RABEP2: variants seen among roughly 807,000 people sequenced by gnomAD.
RABEP2 encodes the protein rabaptin, RAB GTPase binding effector protein 2.
In RABEP2, 57 loss-of-function variants were observed where a neutral mutation model predicts 74.1. That is an observed-to-expected ratio of 0.77 (90% CI 0.62 to 0.96). The LOEUF (loss-of-function observed/expected upper bound fraction) is 0.96. RABEP2 is among the 40% of genes least tolerant of loss of function. RABEP2 has a pLI of 0.00. For missense variants in RABEP2, 692 were observed against 756.3 expected, an observed-to-expected ratio of 0.91 and a Z score of 1.00; for synonymous variants, 351 against 344.0, an observed-to-expected ratio of 1.02 and a Z score of -0.23.
chr16:28,921,086 A>C (rs998159694), intron 2 of RABEP2: 1 of 439,418 alleles, frequency 2.3e-6, no homozygotes, highest in African/African-American at 2.0e-5. Flanking sequence ...CTGGTCTTGA[A>C]CTCCTGAGCT....
At chr16:28,908,903 G>A in intron 7 of RABEP2, 139 bp from the exon 8 acceptor site, 3 of 875,416 alleles carry the variant, frequency 3.4e-6, no homozygotes, top group African/African-American at 1.7e-5. Flanking sequence ...CAAGGAAGGA[G>A]CACTTTTTGC....
rs1421528959 is a variant in RABEP2, at chr16:28,914,283, C to T, written c.847G>A (p.Gly283Ser). Reference sequence around the variant, plus strand: ...TGAGTGTCTGGGACGAGCTGGTAGCCAGGAGGGGGCAGGTAGATGCCCTCG... The same window carrying T: ...TGAGTGTCTGGGACGAGCTGGTAGCTAGGAGGGGGCAGGTAGATGCCCTCG... ...VPEGIYLPPP[G>S]YQLVPDTQWE... is the part of the protein sequence containing the mutation. Residue 283 changes from glycine to serine, a missense_variant, in exon 5 of 13, where the codon GGC becomes AGC. Gly to Ser is a moderately conservative substitution (Grantham distance 56). Transcript: ENST00000358201. The T allele has an allele frequency of 1.9e-6, 3 of 1,612,014 alleles. No homozygotes were observed. The South Asian group carries it at 3.3e-5, about 18-fold the overall frequency.
chr16:28,905,140 G>A (rs1260216458), intron 12 of RABEP2, 96 bp from the exon 13 acceptor site: 1 of 1,028,198 alleles, frequency 9.7e-7, no homozygotes, highest in African/African-American at 1.6e-5. Flanking sequence ...GGTACCAGTG[G>A]ACCCAGGGGC....
Position 28,919,948 on chromosome 16 carries a change from TG to T in RABEP2, c.275-6del. ...CTTCATAGCTGCTGATGGAGTCTGG[TG>T]GGGGAGAGGGAGGGTGGGAGAGAGG... On this transcript the variant is annotated splice_polypyrimidine_tract_variant and splice_region_variant and intron_variant, in intron 2 of 12. Coordinates refer to ENST00000358201, the MANE Select transcript of RABEP2 (RefSeq NM_024816.3). 1 of 668,406 alleles carries T rather than the reference TG, an allele frequency of 1.5e-6. No individual in the cohort carries two copies. The allele number at this position is 668,406 out of a possible 1,614,324, so 41.4% of individuals were successfully genotyped here.
intron 3 of RABEP2, among the ~76,000 whole-genome samples, chr16:28,918,204 C>A (rs553806882): frequency 1.3e-5 from 2 of 151,484 alleles, no homozygotes; most frequent in African/African-American, 4.8e-5. Flanking sequence ...CTCAGCCTCC[C>A]GAGTAGCTGG....
At position 28,914,487 on chromosome 16, in the gene RABEP2, C is replaced by T. The variant is rs1400721271; in HGVS notation, c.643G>A (p.Gly215Arg). 1.4e-5 allele frequency: 22 copies of T among 1,613,094 alleles called. No homozygotes were observed. The highest frequency in any genetic ancestry group is 2.2e-5 in the East Asian group (1 of 44,886). Residue 215 changes from glycine to arginine, a missense_variant, in exon 5 of 13, where the codon GGA (glycine) becomes AGA (arginine). Coordinates refer to ENST00000358201, the MANE Select transcript of RABEP2 (RefSeq NM_024816.3). ...PPLEPLEELS[G>R]DGGPAAEAFA... is the part of the protein sequence containing the mutation. Reference sequence around the variant, plus strand: ...GCCTCAGCGGCTGGACCCCCATCTCCGCTCAGCTCCTCCAGAGGCTCCAGC... The same window carrying T: ...GCCTCAGCGGCTGGACCCCCATCTCTGCTCAGCTCCTCCAGAGGCTCCAGC...
At chr16:28,919,624 T>C (rs1045294787) in intron 3 of RABEP2, 162 bp downstream of exon 3, 2 of 753,008 alleles carry the variant, frequency 2.7e-6, no homozygotes, top group Non-Finnish European at 4.0e-6. Flanking sequence ...GCCAGGACCC[T>C]ACGGAGCACA....
In RABEP2 at chr16:28,924,428, C is replaced by T. The variant is rs763407250; in HGVS notation, c.249G>A (p.Val83=). Residue 83 remains valine, a synonymous_variant, in exon 2 of 13, where the codon GTG becomes GTA. Coordinates refer to ENST00000358201, the MANE Select transcript of RABEP2 (RefSeq NM_024816.3). ...CTTTCAGGATGGCCTGCAGCGAGGCCACCTCCTCTTGGCACTGCCGCTGCA... is the reference window on the plus strand; with the variant it reads ...CTTTCAGGATGGCCTGCAGCGAGGCTACCTCCTCTTGGCACTGCCGCTGCA... ...AAVQRQCQEE[V]ASLQAILKDS... 9.3e-6 allele frequency: 15 copies of T among 1,613,280 alleles called. No individual in the cohort carries two copies. Among genetic ancestry groups the T allele is most frequent in the Admixed American group, 6.7e-5 (4 of 59,996 alleles).
chr16:28,922,128 T>C (rs1425260702), intron 2 of RABEP2, among the ~76,000 whole-genome samples: 4 of 152,148 alleles, frequency 2.6e-5, no homozygotes, highest in Non-Finnish European at 5.9e-5. Context: ...CTTGCCACCA[T>C]ACCCAGCTAA....
At chr16:28,912,296 C>T (rs978184793) in intron 5 of RABEP2, among the ~76,000 whole-genome samples, 1 of 151,860 alleles carries the variant, frequency 6.6e-6, no homozygotes, top group African/African-American at 2.4e-5. Context: ...CCTGTCTCTG[C>T]GGCCATCCCC....
intron 3 of RABEP2, chr16:28,916,263 T>G (rs572792055): frequency 1.3e-5 from 2 of 152,354 alleles, no homozygotes; most frequent in African/African-American, 4.8e-5. Flanking sequence ...GCAGTCATCT[T>G]GGACCATGAG....
chr16:28,920,331 T>A (rs778602113), intron 2 of RABEP2, among the ~76,000 whole-genome samples: 1 of 151,116 alleles, frequency 6.6e-6, no homozygotes, highest in Non-Finnish European at 1.5e-5. Flanking sequence ...CCAGGAACAG[T>A]CAATATTTAA....
At position 28,914,551 on chromosome 16, in the gene RABEP2, G is replaced by A; in HGVS notation, c.579C>T (p.Ser193=). 1 of 1,611,618 alleles carries A rather than the reference G, an allele frequency of 6.2e-7. No homozygotes were observed. Among genetic ancestry groups the A allele is most frequent in the Non-Finnish European group, 8.5e-7 (1 of 1,178,560 alleles). ...CCCGGGACAGGGGCAGCAACTCCGTGGAGCCGTGCAGGGAAGGGGCATGCC... is the reference window on the plus strand; with the variant it reads ...CCCGGGACAGGGGCAGCAACTCCGTAGAGCCGTGCAGGGAAGGGGCATGCC... ...RPRHAPSLHG[S]TELLPLSRDP... is the part of the protein sequence containing the mutation. The change falls in exon 5 of 13, where the codon TCC becomes TCT. Residue 193 remains serine (S), a synonymous_variant. Coordinates refer to ENST00000358201, the MANE Select transcript of RABEP2 (RefSeq NM_024816.3).
In RABEP2 at chr16:28,905,728, C is replaced by G; in HGVS notation, c.1467G>C (p.Glu489Asp). ...CCTTGCTCTGTTCCTGCTGCACCCG[C>G]TCCATCTCTGTCCTCAGGCTGCACA... ...ASLCSLRTEM[E>D]RVQQEQSKAQ... The change falls in exon 11 of 13, where the codon GAG becomes GAC. Residue 489 changes from glutamate (E) to aspartate (D), a missense_variant. By Grantham distance (45) the Glu-to-Asp change is conservative (BLOSUM62 2). Coordinates refer to ENST00000358201, the MANE Select transcript of RABEP2 (RefSeq NM_024816.3). 1 of 1,614,056 alleles carries G rather than the reference C, an allele frequency of 6.2e-7. No homozygotes were observed. The highest frequency in any genetic ancestry group is 1.1e-5 in the South Asian group (1 of 91,090).
chr16:28,920,464 C>A (rs1254768979), intron 2 of RABEP2, among the ~76,000 whole-genome samples: 1 of 151,682 alleles, frequency 6.6e-6, no homozygotes, highest in Non-Finnish European at 1.5e-5. Context: ...TGGCTCACTG[C>A]AACCTCTGCC....
chr16:28,908,016 T>A (rs1170554983), intron 8 of RABEP2, among the ~76,000 whole-genome samples: 1 of 151,976 alleles, frequency 6.6e-6, no homozygotes, highest in Non-Finnish European at 1.5e-5. Context: ...GGCAGGCTGG[T>A]CTCAAACTCC....
chr16:28,904,859 T>A lies in RABEP2; in HGVS notation c.*84A>T. 9.4e-7 allele frequency: 1 copy of A among 1,067,520 alleles called. No individual in the cohort carries two copies. Among genetic ancestry groups the A allele is most frequent in the South Asian group, 1.5e-5 (1 of 68,686 alleles). 66.1% of individuals were successfully genotyped at this position (1,067,520 alleles called of 1,614,324 possible). A position where few individuals can be genotyped will look rare whatever the true frequency, so the allele number is the denominator to read the frequency against. On this transcript the variant is annotated 3_prime_UTR_variant, in exon 13 of 13. Transcript: ENST00000358201. The stretch of plus-strand genomic sequence containing the variant: ...AGTCTCAGGGACGGTGGAAAAGCCA[T>A]CCAAGACCCCAGAGCGAGGCCTCAT...
chr16:28,920,924 C>T (rs1311106792), intron 2 of RABEP2: 5 of 260,200 alleles, frequency 1.9e-5, no homozygotes, highest in South Asian at 3.7e-5. Flanking sequence ...AGTGCAGTGT[C>T]GCAATCATGA....
chr16:28,921,354 G>A, intron 2 of RABEP2: 1 of 404,438 alleles, frequency 2.5e-6, no homozygotes, highest in South Asian at 1.8e-5. Context: ...GGATATCCCA[G>A]AGGAAGGAGC....
Sources: allele counts gnomAD v4.1 joint callset (sites outside exome capture counted in the v4.1 genomes callset), GRCh38; gene constraint gnomAD v4.1.1; transcripts MANE v1.5; gene names NCBI Gene and HGNC (gene_info 2026-07-23, HGNC 2026-07-21).